Variants in GBE1 observed in about 807,000 individuals in gnomAD.
GBE1 encodes 1,4-alpha-glucan branching enzyme 1.
In GBE1, 70 loss-of-function variants were observed where a neutral mutation model predicts 88.8. The observed-to-expected ratio is 0.79, with a 90% CI of 0.65 to 0.96. The LOEUF is 0.96. Among genes scored for constraint, GBE1 ranks in the 40% least tolerant of loss-of-function variants. The pLI, the probability that GBE1 is intolerant of heterozygous loss-of-function variation, is 0.00. For synonymous variants in GBE1, 284 were observed against 300.1 expected, an observed-to-expected ratio of 0.95 and a Z score of 0.56; for missense variants, 872 against 871.0, an observed-to-expected ratio of 1.00 and a Z score of -0.01.
chr3:81,566,838 T>A (rs905307165), intron 12 of GBE1, among the ~76,000 whole-genome samples: 1 of 152,200 alleles, frequency 6.6e-6, no homozygotes, highest in African/African-American at 2.4e-5. Context: ...CACTTGTGCT[T>A]TGGAACTACA....
intron 15 of GBE1, among the ~76,000 whole-genome samples, chr3:81,498,880 T>A (rs1702548960): frequency 6.6e-6 from 1 of 152,162 alleles, no homozygotes; most frequent in South Asian, 2.1e-4. Flanking sequence ...ATCCTATTAA[T>A]ATTTAATTTT....
rs764437744 is a variant in GBE1 at position 81,537,010 on chromosome 3, A to G, written c.1704T>C (p.His568=). 6.3e-7 allele frequency: 1 copy of G among 1,591,004 alleles called. No homozygotes were observed. Among genetic ancestry groups the G allele is most frequent in the Non-Finnish European group, 8.5e-7 (1 of 1,169,982 alleles). The change falls in exon 13 of 16, where the codon CAT becomes CAC. Residue 568 remains histidine, a synonymous_variant. Transcript: ENST00000429644. ...ESYHYARRQF[H]LTDDDLLRYK... ...AGCGAAGAAGGTCGTCGTCAGTTAA[A>G]TGAAACTGCCGCCTGGCATAATGGT...
At chr3:81,729,760 G>A (rs1706160608) in intron 1 of GBE1, among the ~76,000 whole-genome samples, 3 of 152,084 alleles carry the variant, frequency 2.0e-5, no homozygotes, top group Admixed American at 2.0e-4. Context: ...TATGTACAAA[G>A]CTGCTAGGGT....
intron 7 of GBE1, among the ~76,000 whole-genome samples, chr3:81,638,708 T>G (rs1435323208): frequency 1.3e-5 from 2 of 152,116 alleles, no homozygotes; most frequent in East Asian, 1.9e-4. Flanking sequence ...AGCTCCTGAT[T>G]GGAAATTTAT....
chr3:81,740,709 G>T (rs900878865), intron 1 of GBE1, among the ~76,000 whole-genome samples: 3 of 151,374 alleles, frequency 2.0e-5, no homozygotes, highest in African/African-American at 7.3e-5. Context: ...CTGTTTAGTG[G>T]CTGAATCTGG....
chr3:81,650,107 T>C (rs931158426), intron 3 of GBE1, 186 bp from the exon 4 acceptor site: 5 of 442,468 alleles, frequency 1.1e-5, no homozygotes, highest in Non-Finnish European at 2.0e-5. Context: ...GCTGTTACTA[T>C]ATCATCCTTA....
At chr3:81,715,870 T>G (rs2107183133) in intron 1 of GBE1, among the ~76,000 whole-genome samples, 1 of 152,272 alleles carries the variant, frequency 6.6e-6, no homozygotes, top group South Asian at 2.1e-4. Flanking sequence ...GAAGATCTCA[T>G]TTAGTTGTAA....
At chr3:81,546,718 C>A (rs765873672) in intron 12 of GBE1, among the ~76,000 whole-genome samples, 1 of 151,460 alleles carries the variant, frequency 6.6e-6, no homozygotes, top group Non-Finnish European at 1.5e-5. Context: ...GAATAATCCA[C>A]CCCTTGTTTA....
chr3:81,717,437 G>A (rs1262088539), intron 1 of GBE1, among the ~76,000 whole-genome samples: 2 of 152,124 alleles, frequency 1.3e-5, no homozygotes, highest in East Asian at 3.9e-4. Context: ...TCATCACTAG[G>A]ATATTGTTCT....
chr3:81,667,687 G>T (rs1309439642), intron 3 of GBE1, among the ~76,000 whole-genome samples: 1 of 152,118 alleles, frequency 6.6e-6, no homozygotes, highest in Non-Finnish European at 1.5e-5. Flanking sequence ...AGTCTTTTCT[G>T]CATCTACTGA....
intron 1 of GBE1, among the ~76,000 whole-genome samples, chr3:81,714,708 G>C (rs1477483796): frequency 3.9e-5 from 6 of 152,150 alleles, no homozygotes; most frequent in Admixed American, 2.0e-4. Flanking sequence ...AGTTTGAACT[G>C]TTATAACAAA....
At chr3:81,704,898 C>T (rs1705751006) in intron 2 of GBE1, among the ~76,000 whole-genome samples, 1 of 152,008 alleles carries the variant, frequency 6.6e-6, no homozygotes, top group African/African-American at 2.4e-5. Context: ...GTGGAGTTAA[C>T]AGTGCAAATG....
intron 2 of GBE1, among the ~76,000 whole-genome samples, chr3:81,699,964 G>C (rs1164594721): frequency 6.6e-6 from 1 of 152,214 alleles, no homozygotes; most frequent in African/African-American, 2.4e-5. Context: ...AATCACATAT[G>C]TTACTTACAA....
chr3:81,653,392 A>G (rs1704878896), intron 3 of GBE1, among the ~76,000 whole-genome samples: 1 of 152,182 alleles, frequency 6.6e-6, no homozygotes, highest in Admixed American at 6.6e-5. Flanking sequence ...AGGGTGAGGC[A>G]AGAGGACAGC....
chr3:81,588,141 ATATAT>A (rs914058059), intron 9 of GBE1, among the ~76,000 whole-genome samples: 4 of 151,786 alleles, frequency 2.6e-5, no homozygotes, highest in Non-Finnish European at 5.9e-5. Context: ...GTATAAGTAA[ATATAT>A]TATATGGTAG....
At chr3:81,712,799 A>AAAATAAAT (rs377738556) in intron 1 of GBE1, among the ~76,000 whole-genome samples, 32 of 149,392 alleles carry the variant, frequency 2.1e-4, no homozygotes, top group African/African-American at 7.4e-4. Context: ...AAGTATAATA[A>AAAATAAAT]AAATAAATAA....
intron 14 of GBE1, among the ~76,000 whole-genome samples, chr3:81,531,692 G>A (rs949357372): frequency 2.9e-4 from 44 of 151,784 alleles, no homozygotes; most frequent in Non-Finnish European, 4.7e-4. Context: ...GGCTGAGCTG[G>A]TATCCGAGTT....
chr3:81,727,335 G>A (rs935915688), intron 1 of GBE1, among the ~76,000 whole-genome samples: 1 of 152,122 alleles, frequency 6.6e-6, no homozygotes, highest in South Asian at 2.1e-4. Flanking sequence ...CCATGAGAAA[G>A]GGGAAAAAAT....
chr3:81,628,296 T>A (rs552593952), intron 7 of GBE1, among the ~76,000 whole-genome samples: 6 of 152,194 alleles, frequency 3.9e-5, no homozygotes, highest in African/African-American at 1.2e-4. Flanking sequence ...GCATAGTCTC[T>A]ACAACAAAAA....
Sources: gnomAD v4.1 joint callset for allele counts (sites outside exome capture counted in the v4.1 genomes callset) on GRCh38, gnomAD v4.1.1 for gene constraint, MANE v1.5 for transcripts, NCBI Gene and HGNC (gene_info 2026-07-23, HGNC 2026-07-21) for gene names.